DENND1C: variants seen among roughly 807,000 people sequenced by gnomAD.
DENND1C encodes the protein DENN domain containing 1C.
A neutral mutation model predicts 87.9 loss-of-function variants in DENND1C; 64 were observed. The observed-to-expected ratio is 0.73, with a 90% CI of 0.60 to 0.90. The LOEUF (loss-of-function observed/expected upper bound fraction) is 0.90, where lower values mean the gene tolerates loss of function less well. Among genes scored for constraint, DENND1C ranks in the 40% least tolerant of loss-of-function variants. The probability of loss-of-function intolerance (pLI) is 0.00; values close to 1 mark genes in which losing one functional copy is unlikely to be tolerated. For missense variants in DENND1C, 980 were observed against 1,037.0 expected (o/e 0.95, Z 0.76); for synonymous variants, 384 against 424.4 (o/e 0.90, Z 1.17).
Position 6,476,911 on chromosome 19 carries a change from G to T in DENND1C, c.624C>A (p.Phe208Leu). ...CTCTTCTCTCGGCCAGGAGCGCCGC[G>T]AACAGCCCCACGATGTTCTCGTCAG... ...AVTDENIVGL[F>L]AALLAERRVL... The change falls in exon 10 of 23, where the codon TTC becomes TTA. Residue 208 changes from phenylalanine (F) to leucine (L), a missense_variant. Phe to Leu is a conservative substitution (Grantham distance 22). Coordinates refer to ENST00000381480, the MANE Select transcript of DENND1C (RefSeq NM_024898.4). 1 of 1,613,450 alleles carries T rather than the reference G, an allele frequency of 6.2e-7. No individual in the cohort carries two copies. The highest frequency in any genetic ancestry group is 8.5e-7 in the Non-Finnish European group (1 of 1,179,788).
Position 6,480,045 on chromosome 19 carries a change from G to C in DENND1C, c.24C>G (p.Gly8=). The C allele has an allele frequency of 6.2e-7, 1 of 1,607,628 alleles. No individual in the cohort carries two copies. The highest frequency in any genetic ancestry group is 8.5e-7 in the Non-Finnish European group (1 of 1,177,716). Residue 8 remains glycine, a synonymous_variant, in exon 2 of 23, where the codon GGC becomes GGG. Coordinates refer to ENST00000381480, the MANE Select transcript of DENND1C (RefSeq NM_024898.4). MESRAEG[G]SPAVFDWFFE... ...AGAACCAATCAAACACAGCAGGGGA[G>C]CCCCCTCTGTGGGATGCAGAAGGGG...
rs2092810382 is a variant in DENND1C, at chr19:6,468,658, G to A, written c.1516-13C>T. On this transcript the variant is annotated splice_polypyrimidine_tract_variant and intron_variant, in intron 20 of 22. Transcript: ENST00000381480. The stretch of plus-strand genomic sequence containing the variant: ...GAAGGGGCCGGTTCTGCAAAGGGTG[G>A]GGGCGATAGGACCTCAGGAGACTGC... 6.8e-7 allele frequency: 1 copy of A among 1,471,866 alleles called. No homozygotes were observed. The highest frequency in any genetic ancestry group is 1.4e-5 in the African/African-American group (1 of 70,530). The allele number at this position is 1,471,866 out of a possible 1,614,324, so 91.2% of individuals were successfully genotyped here.
chr19:6,468,266 G>C lies in DENND1C; in HGVS notation c.1759C>G (p.His587Asp), dbSNP rs1390548229. Residue 587 changes from histidine (H) to aspartate (D), a missense_variant, in exon 22 of 23, where the codon CAC becomes GAC. Transcript: ENST00000381480. ...AAGCAGCTGTCCAGGTCTCCTCTGT[G>C]ACAGCAGTCTAAACTCTGGCTCGGT... ...LRPSQSLDCC[H>D]RGDLDSCFSL... 1 of 1,613,544 alleles carries C rather than the reference G, an allele frequency of 6.2e-7. No individual in the cohort carries two copies. The highest frequency in any genetic ancestry group is 8.5e-7 in the Non-Finnish European group (1 of 1,179,680).
intron 19 of DENND1C, 35 bp downstream of exon 19, chr19:6,469,561 G>C (rs2092816212): frequency 6.3e-7 from 1 of 1,587,914 alleles, no homozygotes; most frequent in African/African-American, 1.3e-5. Context: ...TGGGATTACA[G>C]GGGTGAGCCA....
At chr19:6,472,618 T>C (rs2092835811) in intron 15 of DENND1C, among the ~76,000 whole-genome samples, 1 of 152,204 alleles carries the variant, frequency 6.6e-6, no homozygotes, top group South Asian at 2.1e-4. Flanking sequence ...CTTGAACTCC[T>C]GAACTCGTGA....
intron 19 of DENND1C, chr19:6,469,354 G>T (rs562317028): frequency 5.9e-4 from 308 of 521,508 alleles, no homozygotes; most frequent in African/African-American, 5.4e-3. Flanking sequence ...TTTTGAGACA[G>T]GGTCTCTCTG....
chr19:6,475,299 T>C lies in DENND1C; in HGVS notation c.1028A>G (p.Tyr343Cys). ...CGGGCTGCAGACGAGTGCGTCGCGG[T>C]ACCCCCCGAAGAGCAGGGCCTGGGC... is the stretch of plus-strand genomic sequence containing the variant. ...LKAQALLFGG[Y>C]RDALVCSPGQ... Residue 343 changes from tyrosine to cysteine, a missense_variant, in exon 14 of 23, where the codon TAC becomes TGC. Transcript: ENST00000381480. 5 of 1,613,274 alleles carry C rather than the reference T, an allele frequency of 3.1e-6. No individual in the cohort carries two copies. The highest frequency in any genetic ancestry group is 1.6e-4 in the Middle Eastern group (1 of 6,062).
At chr19:6,471,612 C>G in intron 15 of DENND1C, 116 bp from the exon 16 acceptor site, 1 of 883,444 alleles carries the variant, frequency 1.1e-6, no homozygotes, top group Non-Finnish European at 1.6e-6. Context: ...CCTGCCCACC[C>G]CCAAGCACCT....
intron 22 of DENND1C, 37 bp from the exon 23 acceptor site, chr19:6,468,155 T>C: frequency 6.2e-7 from 1 of 1,609,506 alleles, no homozygotes; most frequent in African/African-American, 1.3e-5. Flanking sequence ...GGCTTTTAGA[T>C]GGCAGAGGGG....
At chr19:6,475,062 A>AAAC (rs1351684738) in intron 14 of DENND1C, among the ~76,000 whole-genome samples, 1 of 150,026 alleles carries the variant, frequency 6.7e-6, no homozygotes, top group African/African-American at 2.5e-5. Flanking sequence ...ACAAACAAAC[A>AAAC]AACAACAACA....
In DENND1C at chr19:6,475,738, A is replaced by T. The variant is rs752077133; in HGVS notation, c.793T>A (p.Tyr265Asn). 1 of 1,573,968 alleles carries T rather than the reference A, an allele frequency of 6.4e-7. No homozygotes were observed. The highest frequency in any genetic ancestry group is 8.6e-7 in the Non-Finnish European group (1 of 1,158,970). ...LLDYCCAPMP[Y>N]LIGVHASLAE... ...AGACTGGCGTGCACTCCAATGAGGT[A>T]GGGCATGGGCGCGCTGCGGACCGAG... is the stretch of plus-strand genomic sequence containing the variant. The change falls in exon 12 of 23, where the codon TAC (tyrosine) becomes AAC (asparagine). Residue 265 changes from tyrosine (Y) to asparagine (N), a missense_variant. Transcript: ENST00000381480.
At chr19:6,476,021 G>T in intron 10 of DENND1C, 84 bp from the exon 11 acceptor site, 2 of 1,245,932 alleles carry the variant, frequency 1.6e-6, no homozygotes, top group Non-Finnish European at 2.2e-6. Flanking sequence ...CACGTCCCCA[G>T]TCTCCTGTTC....
intron 16 of DENND1C, 27 bp downstream of exon 16, chr19:6,471,379 G>A (rs1485397870): frequency 6.3e-7 from 1 of 1,583,614 alleles, no homozygotes; most frequent in Admixed American, 1.8e-5. Context: ...GGTAGTGGGG[G>A]ACCCAGGGGC....
intron 19 of DENND1C, chr19:6,469,356 GTCTC>G (rs1386164440): frequency 5.8e-6 from 3 of 515,094 alleles, no homozygotes; most frequent in African/African-American, 5.8e-5. Flanking sequence ...TTGAGACAGG[GTCTC>G]TCTGTCACCC....
In DENND1C at chr19:6,468,199, T is replaced by C. The variant is rs753270654; in HGVS notation, c.1791+35A>G. ...TTGGATGGACCATTAGGGGAAGACT[T>C]GGGGTAGGGTTGGGGGAGTGGGCGA... On this transcript the variant is annotated intron_variant, in intron 22 of 22. Transcript: ENST00000381480. The C allele has an allele frequency of 3.1e-6, 5 of 1,611,968 alleles. No individual in the cohort carries two copies. The Admixed American group carries it at 6.7e-5, about 22-fold the overall frequency.
At chr19:6,480,561 CCTATCTATCTATCTATCTATCTAT>C (rs71174917) in intron 1 of DENND1C, 27 of 125,864 alleles carry the variant, frequency 2.1e-4, no homozygotes, top group South Asian at 1.5e-3. Flanking sequence ...CACCCACCCA[CCTATCTATCTATCTATCTATCTAT>C]CTATCTATCT....
chr19:6,480,794 AG>A (rs1411085386), intron 1 of DENND1C, among the ~76,000 whole-genome samples: 1 of 151,876 alleles, frequency 6.6e-6, no homozygotes, highest in East Asian at 1.9e-4. Context: ...TAGTAGAGAC[AG>A]GGTTTCACAT....
intron 10 of DENND1C, 83 bp from the exon 11 acceptor site, chr19:6,476,020 A>T: frequency 8.0e-7 from 1 of 1,250,868 alleles, no homozygotes; most frequent in Non-Finnish European, 1.1e-6. Context: ...CCACGTCCCC[A>T]GTCTCCTGTT....
intron 1 of DENND1C, chr19:6,480,328 A>G: frequency 7.3e-7 from 1 of 1,374,548 alleles, no homozygotes; most frequent in Admixed American, 3.1e-5. Context: ...TTTTGTGAGC[A>G]GGCAGTGTGT....
Sources: gnomAD v4.1 joint callset for allele counts (sites outside exome capture counted in the v4.1 genomes callset) on GRCh38, gnomAD v4.1.1 for gene constraint, MANE v1.5 for transcripts, NCBI Gene and HGNC (gene_info 2026-07-23, HGNC 2026-07-21) for gene names.